Variants in TLN2 observed in about 807,000 individuals in gnomAD.
The protein encoded by TLN2 is talin 2.
Under a neutral mutation model 294.7 loss-of-function variants are expected in TLN2, and 118 were observed. The observed-to-expected ratio is 0.40, with a 90% CI of 0.34 to 0.47. The LOEUF is 0.47. Ranked by LOEUF, TLN2 falls within the 20% of genes least tolerant of loss-of-function variation. The pLI, the probability that TLN2 is intolerant of heterozygous loss-of-function variation, is 0.84. For synonymous variants in TLN2, 1,431 were observed against 1,304.5 expected (o/e 1.10, Z -2.09); for missense variants, 3,083 against 3,282.2 (o/e 0.94, Z 1.48).
intron 3 of TLN2, among the ~76,000 whole-genome samples, chr15:62,635,330 T>C (rs886149695): frequency 6.6e-6 from 1 of 152,166 alleles, no homozygotes; most frequent in Admixed American, 6.5e-5. Flanking sequence ...TTATTTATGA[T>C]AGGAAAAACT....
intron 54 of TLN2, among the ~76,000 whole-genome samples, chr15:62,825,272 A>C (rs910298351): frequency 6.6e-6 from 1 of 152,006 alleles, no homozygotes; most frequent in Non-Finnish European, 1.5e-5. Context: ...TGAAATGGCA[A>C]ATGGCCATGG....
At chr15:62,614,813 G>GCTGTGTACACTC (rs925359426) in intron 2 of TLN2, among the ~76,000 whole-genome samples, 86 of 152,240 alleles carry the variant, frequency 5.6e-4, no homozygotes, top group African/African-American at 1.9e-3. Flanking sequence ...TCACTCCTGT[G>GCTGTGTACACTC]CTGTGGGGTG....
Position 62,708,771 on chromosome 15 carries a change from C to T in TLN2, c.2442C>T (p.Ser814=). ...ATDTIMCVTE[S]IFSSMGDAGE... The stretch of plus-strand genomic sequence containing the variant: ...ACACCATCATGTGTGTCACCGAGAG[C>T]ATCTTCAGCTCCATGGGTGACGCTG... Residue 814 remains serine, a synonymous_variant, in exon 21 of 59, where the codon AGC becomes AGT. Coordinates refer to ENST00000636159, the MANE Select transcript of TLN2 (RefSeq NM_015059.3). 1 of 1,605,410 alleles carries T rather than the reference C, an allele frequency of 6.2e-7. No homozygotes were observed. Among genetic ancestry groups the T allele is most frequent in the South Asian group, 1.1e-5 (1 of 91,032 alleles).
At chr15:62,699,142 G>A (rs1282586124) in intron 16 of TLN2, among the ~76,000 whole-genome samples, 1 of 152,170 alleles carries the variant, frequency 6.6e-6, no homozygotes, top group East Asian at 1.9e-4. Flanking sequence ...AGTACTGGCT[G>A]TGTGAATCTG....
At chr15:62,624,873 C>T (rs187698229) in intron 3 of TLN2, among the ~76,000 whole-genome samples, 3 of 152,224 alleles carry the variant, frequency 2.0e-5, no homozygotes, top group African/African-American at 7.2e-5. Flanking sequence ...AAAAACAATG[C>T]AGCTAAGAAC....
chr15:62,829,120 C>CTGTT (rs1033930277), intron 54 of TLN2: 3 of 147,080 alleles, frequency 2.0e-5, no homozygotes, highest in Non-Finnish European at 3.0e-5. Context: ...AAATTTTTTT[C>CTGTT]TGTTTGGTTT....
chr15:62,616,124 C>T (rs1019048478), intron 2 of TLN2, among the ~76,000 whole-genome samples: 2 of 152,094 alleles, frequency 1.3e-5, no homozygotes, highest in East Asian at 3.9e-4. Flanking sequence ...AAAATATTTT[C>T]AAAGTTTATT....
rs191663200 is a variant in TLN2, at chr15:62,482,736, A to G, written c.-238+92051A>G. On this transcript the variant is annotated intron_variant, in intron 1 of 58. Coordinates refer to ENST00000636159, the MANE Select transcript of TLN2 (RefSeq NM_015059.3). ...CAAAATAAATACAAAAGAGTTAAAA[A>G]AAAATGGGGTTTCAGATCTGAGAAT... is the stretch of plus-strand genomic sequence containing the variant. 2.3e-3 allele frequency among the ~76,000 whole-genome samples: 354 copies of G among 152,296 alleles called. 1 individual carries two copies. Among genetic ancestry groups the G allele is most frequent in the African/African-American group, 8.2e-3 (342 of 41,552 alleles).
intron 1 of TLN2, among the ~76,000 whole-genome samples, chr15:62,399,202 C>T (rs2032805444): frequency 8.0e-6 from 1 of 125,396 alleles, no homozygotes; most frequent in African/African-American, 2.9e-5. Flanking sequence ...ATAGAAATGC[C>T]TGGATGCGCC....
chr15:62,672,223 A>T (rs1422934633), intron 9 of TLN2, among the ~76,000 whole-genome samples: 1 of 152,146 alleles, frequency 6.6e-6, no homozygotes, highest in Non-Finnish European at 1.5e-5. Flanking sequence ...TGCCCTCATC[A>T]ACATTTAGAA....
chr15:62,520,014 GAC>G (rs1384887834), intron 1 of TLN2, among the ~76,000 whole-genome samples: 1 of 152,196 alleles, frequency 6.6e-6, no homozygotes, highest in Non-Finnish European at 1.5e-5. Context: ...GCAGACAAGA[GAC>G]AGTGAGGACC....
Position 62,809,961 on chromosome 15 carries a change from A to G in TLN2, c.6700A>G (p.Arg2234Gly). 6.2e-7 allele frequency: 1 copy of G among 1,614,132 alleles called. No individual in the cohort carries two copies. Among genetic ancestry groups the G allele is most frequent in the Non-Finnish European group, 8.5e-7 (1 of 1,180,032 alleles). The stretch of plus-strand genomic sequence containing the variant: ...CCACCCCGATGTCAGTGACGAGGTG[A>G]GAACCAGAGCCTTGCGTTTCGGGAC... ...SFHPDVSDEV[R>G]TRALRFGTEC... The change falls in exon 52 of 59, where the codon AGA (arginine) becomes GGA (glycine). Residue 2234 changes from arginine to glycine, a missense_variant. By Grantham distance (125) the Arg-to-Gly change is moderately radical. Coordinates refer to ENST00000636159, the MANE Select transcript of TLN2 (RefSeq NM_015059.3).
chr15:62,823,929 G>A (rs113741568), intron 54 of TLN2: 20 of 523,836 alleles, frequency 3.8e-5, no homozygotes, highest in East Asian at 2.2e-4. Context: ...GCCTAGTCTC[G>A]AGCTCAGTCA....
rs896605778 is a variant in TLN2 at position 62,736,991 on chromosome 15, C to G, written c.3472C>G (p.Arg1158Gly). 4 of 1,614,180 alleles carry G rather than the reference C, an allele frequency of 2.5e-6. No individual in the cohort carries two copies. Among genetic ancestry groups the G allele is most frequent in the Admixed American group, 1.7e-5 (1 of 60,026 alleles). ...CGCCCATGCCATGTTAGATTCTGCT[C>G]GAGACGTGATGGAGGGCTCCGCCAT... The part of the protein sequence containing the change: ...AAAHAMLDSA[R>G]DVMEGSAMLI... The change falls in exon 29 of 59, where the codon CGA becomes GGA. Residue 1158 changes from arginine to glycine, a missense_variant. Transcript: ENST00000636159.
intron 27 of TLN2, among the ~76,000 whole-genome samples, chr15:62,726,627 A>T (rs1185641824): frequency 6.6e-6 from 1 of 152,172 alleles, no homozygotes; most frequent in East Asian, 1.9e-4. Flanking sequence ...TAATGGTCCC[A>T]CATGCCAGGA....
chr15:62,574,366 A>G (rs1174230693), intron 1 of TLN2, among the ~76,000 whole-genome samples: 9 of 151,882 alleles, frequency 5.9e-5, no homozygotes, highest in African/African-American at 2.2e-4. Context: ...ACATGTGGCC[A>G]GGAGTTTAAG....
In TLN2 at chr15:62,595,103, A is replaced by G. The variant is rs962156703; in HGVS notation, c.-162+5341A>G. On this transcript the variant is annotated intron_variant, in intron 2 of 58. Transcript: ENST00000636159. ...AAACCACAATGAGATAGTACCTCAC[A>G]CTTGTTAGGATGGCTATCATCAAAA... Among the ~76,000 whole-genome samples, 7 of 152,290 alleles carry G rather than the reference A, an allele frequency of 4.6e-5. No individual in the cohort carries two copies. The East Asian group carries it at 9.6e-4, about 21-fold the overall frequency.
chr15:62,488,379 C>G (rs2038526913), intron 1 of TLN2, among the ~76,000 whole-genome samples: 1 of 152,102 alleles, frequency 6.6e-6, no homozygotes, highest in South Asian at 2.1e-4. Flanking sequence ...AAGGCTTAAC[C>G]AAGCAGTGGG....
intron 1 of TLN2, among the ~76,000 whole-genome samples, chr15:62,550,831 G>A (rs1458142353): frequency 1.3e-5 from 2 of 152,096 alleles, no homozygotes; most frequent in Non-Finnish European, 2.9e-5. Flanking sequence ...TTGGTTTTGT[G>A]GAAGACAATT....
Sources: allele counts gnomAD v4.1 joint callset (sites outside exome capture counted in the v4.1 genomes callset), GRCh38; gene constraint gnomAD v4.1.1; transcripts MANE v1.5; gene names NCBI Gene and HGNC (gene_info 2026-07-23, HGNC 2026-07-21).